GRID1: variants seen among roughly 807,000 people sequenced by gnomAD.
GRID1 encodes the protein glutamate ionotropic receptor delta type subunit 1.
GRID1 carries 28 observed loss-of-function variants against 98.0 expected under a neutral mutation model. The ratio of observed to expected loss-of-function variants is 0.29; its 90% CI spans 0.21 to 0.39. The LOEUF is 0.39. GRID1 is among the 10% of genes least tolerant of loss of function. The probability of loss-of-function intolerance (pLI) is 1.00; values close to 1 mark genes in which losing one functional copy is unlikely to be tolerated. For synonymous variants in GRID1, 553 were observed against 538.5 expected, an observed-to-expected ratio of 1.03 and a Z score of -0.37; for missense variants, 1,111 against 1,340.5, an observed-to-expected ratio of 0.83 and a Z score of 2.67.
At chr10:85,634,414 G>A (rs1843013282) in intron 13 of GRID1, among the ~76,000 whole-genome samples, 1 of 151,818 alleles carries the variant, frequency 6.6e-6, no homozygotes, top group African/African-American at 2.4e-5. Flanking sequence ...ACCCCATCCC[G>A]GTGGAAACCA....
intron 4 of GRID1, among the ~76,000 whole-genome samples, chr10:86,020,832 T>A (rs1843038787): frequency 6.6e-6 from 1 of 152,176 alleles, no homozygotes; most frequent in African/African-American, 2.4e-5. Context: ...TTGATGACAG[T>A]GACAGCTGAC....
At chr10:85,975,842 G>C (rs970959523) in intron 4 of GRID1, among the ~76,000 whole-genome samples, 3 of 152,282 alleles carry the variant, frequency 2.0e-5, no homozygotes, top group Non-Finnish European at 4.4e-5. Flanking sequence ...AAGGACAATA[G>C]TGGTTTCTTT....
At chr10:86,124,472 T>C (rs760309404) in intron 4 of GRID1, among the ~76,000 whole-genome samples, 2 of 152,180 alleles carry the variant, frequency 1.3e-5, no homozygotes, top group Non-Finnish European at 2.9e-5. Context: ...CTCCATCACA[T>C]CCTTCCAGTC....
chr10:86,059,232 C>A (rs1365970514), intron 4 of GRID1, among the ~76,000 whole-genome samples: 2 of 152,138 alleles, frequency 1.3e-5, no homozygotes, highest in Admixed American at 1.3e-4. Flanking sequence ...GAGTGGATAT[C>A]AAGAGGTCTT....
At chr10:85,689,662 T>C (rs1841311161) in intron 12 of GRID1, among the ~76,000 whole-genome samples, 1 of 151,780 alleles carries the variant, frequency 6.6e-6, no homozygotes, top group Non-Finnish European at 1.5e-5. Flanking sequence ...GGAAAACCAA[T>C]GGAAAGAAAC....
At chr10:85,764,760 C>T (rs1399524887) in intron 8 of GRID1, among the ~76,000 whole-genome samples, 1 of 152,208 alleles carries the variant, frequency 6.6e-6, no homozygotes, top group African/African-American at 2.4e-5. Context: ...TTACTCTGCA[C>T]ATAGCTTGCA....
chr10:85,789,566 C>A (rs950402501), intron 8 of GRID1, among the ~76,000 whole-genome samples: 1 of 152,208 alleles, frequency 6.6e-6, no homozygotes, highest in Non-Finnish European at 1.5e-5. Context: ...TATTATTAAA[C>A]AGCCCCTCTG....
Position 86,096,526 on chromosome 10 carries a change from T to C in GRID1, c.726+42293A>G, listed in dbSNP as rs1844223876. ...TACTGGAATAGCCACTTAGTCCAGA[T>C]ACGGATTTGCTATGCCTGCACACAA... On this transcript the variant is annotated intron_variant, in intron 4 of 15. Coordinates refer to ENST00000327946, the MANE Select transcript of GRID1 (RefSeq NM_017551.3). 1.3e-5 allele frequency among the ~76,000 whole-genome samples: 2 copies of C among 152,244 alleles called. 1 individual carries two copies. The highest frequency in any genetic ancestry group is 4.1e-4 in the South Asian group (2 of 4,834).
At chr10:85,613,295 G>T in intron 15 of GRID1, 112 bp downstream of exon 15, 2 of 1,062,864 alleles carry the variant, frequency 1.9e-6, no homozygotes, top group South Asian at 1.7e-5. Context: ...GCTGCCTCCA[G>T]ACAAGATGAC....
chr10:86,299,680 G>A (rs1385077453), intron 2 of GRID1, among the ~76,000 whole-genome samples: 1 of 152,154 alleles, frequency 6.6e-6, no homozygotes, highest in Non-Finnish European at 1.5e-5. Context: ...TGTGGATTGT[G>A]AGGGCTTAGC....
chr10:85,620,405 T>TG (rs1383739208), intron 13 of GRID1, among the ~76,000 whole-genome samples: 3 of 152,172 alleles, frequency 2.0e-5, no homozygotes, highest in Admixed American at 6.5e-5. Context: ...ACTGAGATTC[T>TG]GAGATCAGAA....
intron 2 of GRID1, among the ~76,000 whole-genome samples, chr10:86,228,677 C>T (rs1846398016): frequency 6.6e-6 from 1 of 152,122 alleles, no homozygotes; most frequent in Non-Finnish European, 1.5e-5. Context: ...CCAATGAGAA[C>T]AACAGTGTCC....
chr10:86,036,941 A>G (rs1458747194), intron 4 of GRID1, among the ~76,000 whole-genome samples: 1 of 152,252 alleles, frequency 6.6e-6, no homozygotes, highest in Non-Finnish European at 1.5e-5. Flanking sequence ...ATAATTAGCC[A>G]TAACTTGACA....
At chr10:85,774,581 C>T (rs1419022855) in intron 8 of GRID1, among the ~76,000 whole-genome samples, 2 of 152,078 alleles carry the variant, frequency 1.3e-5, no homozygotes, top group Non-Finnish European at 2.9e-5. Context: ...ACTCATCTGA[C>T]AAAGGGCTAA....
At chr10:86,042,208 T>C (rs906007413) in intron 4 of GRID1, among the ~76,000 whole-genome samples, 4 of 152,226 alleles carry the variant, frequency 2.6e-5, no homozygotes, top group African/African-American at 9.6e-5. Flanking sequence ...GAAAGATGGC[T>C]TTCGCAATCC....
At position 86,016,092 on chromosome 10, in the gene GRID1, G is replaced by A. The variant is rs147913683; in HGVS notation, c.727-99853C>T. On this transcript the variant is annotated intron_variant, in intron 4 of 15. Coordinates refer to ENST00000327946, the MANE Select transcript of GRID1 (RefSeq NM_017551.3). ...GGACCAAAGTCTCAGAAGAGTGGTA[G>A]GAAGTAAACAAGAGGCTGAGTTAAA... Among the ~76,000 whole-genome samples the A allele has an allele frequency of 2.0e-3, 300 of 151,870 alleles. 2 individuals are homozygous for A. The highest frequency in any genetic ancestry group is 7.0e-3 in the African/African-American group (290 of 41,462).
At chr10:86,157,432 G>T (rs189483957) in intron 3 of GRID1, among the ~76,000 whole-genome samples, 36 of 152,324 alleles carry the variant, frequency 2.4e-4, no homozygotes, top group African/African-American at 8.2e-4. Context: ...CAAGACCACT[G>T]GGTACTCGGA....
intron 4 of GRID1, among the ~76,000 whole-genome samples, chr10:85,929,124 G>A (rs1418241928): frequency 2.6e-5 from 4 of 152,334 alleles, no homozygotes; most frequent in African/African-American, 7.2e-5. Context: ...TGGGAGAAAA[G>A]GAAAGGGTGT....
chr10:85,729,730 G>A (rs1436043138), intron 8 of GRID1, 116 bp from the exon 9 acceptor site: 2 of 612,340 alleles, frequency 3.3e-6, no homozygotes, highest in Non-Finnish European at 5.9e-6. Flanking sequence ...GTAGTCCCCT[G>A]GAGTTCCCAG....
Sources: gnomAD v4.1 joint callset for allele counts (sites outside exome capture counted in the v4.1 genomes callset) on GRCh38, gnomAD v4.1.1 for gene constraint, MANE v1.5 for transcripts, NCBI Gene and HGNC (gene_info 2026-07-23, HGNC 2026-07-21) for gene names.